The following PPP2R5E variants were observed in gnomAD, a reference collection of about 807,000 sequenced individuals.
PPP2R5E encodes protein phosphatase 2 regulatory subunit B'epsilon, also known as serine/threonine-protein phosphatase 2A 56 kDa regulatory subunit epsilon isoform.
Under a neutral mutation model 65.3 loss-of-function variants are expected in PPP2R5E, and 4 were observed. The ratio of observed to expected loss-of-function variants is 0.06; its 90% CI spans 0.03 to 0.14. The LOEUF (loss-of-function observed/expected upper bound fraction) is 0.14, where lower values mean the gene tolerates loss of function less well. Ranked by LOEUF, PPP2R5E falls within the 10% of genes least tolerant of loss-of-function variation. The probability of loss-of-function intolerance (pLI) is 1.00; values close to 1 mark genes in which losing one functional copy is unlikely to be tolerated. For synonymous variants in PPP2R5E, 183 were observed against 187.4 expected (o/e 0.98, Z 0.19); for missense variants, 274 against 556.1 (o/e 0.49, Z 5.10).
chr14:63,528,226 T>C (rs900265486), intron 2 of PPP2R5E, among the ~76,000 whole-genome samples: 1 of 152,226 alleles, frequency 6.6e-6, no homozygotes, highest in Non-Finnish European at 1.5e-5. Context: ...ATTACTATTA[T>C]GAGCCAATAT....
At chr14:63,470,479 C>T (rs1422842592) in intron 2 of PPP2R5E, among the ~76,000 whole-genome samples, 1 of 149,692 alleles carries the variant, frequency 6.7e-6, no homozygotes, top group Non-Finnish European at 1.5e-5. Flanking sequence ...AAAAAAAAAC[C>T]GACTTGCCCT....
intron 2 of PPP2R5E, among the ~76,000 whole-genome samples, chr14:63,507,571 TTC>T (rs1448759226): frequency 1.4e-5 from 2 of 146,912 alleles, no homozygotes; most frequent in Admixed American, 6.8e-5. Context: ...GCAAGGGTAA[TTC>T]TCTTTTTTTT....
At chr14:63,419,307 C>A (rs763994126) in intron 4 of PPP2R5E, among the ~76,000 whole-genome samples, 2 of 152,098 alleles carry the variant, frequency 1.3e-5, no homozygotes. Flanking sequence ...TTCTTCCTTG[C>A]AAAATGTGTT....
intron 3 of PPP2R5E, among the ~76,000 whole-genome samples, chr14:63,428,471 T>C (rs1408681956): frequency 6.6e-6 from 1 of 152,230 alleles, no homozygotes; most frequent in East Asian, 1.9e-4. Flanking sequence ...TTTAATTAGA[T>C]GCCTTGTATT....
At chr14:63,520,752 A>G (rs1398024408) in intron 2 of PPP2R5E, among the ~76,000 whole-genome samples, 1 of 151,268 alleles carries the variant, frequency 6.6e-6, no homozygotes, top group Non-Finnish European at 1.5e-5. Context: ...GCAGTGGCTC[A>G]CATCTGTAAT....
chr14:63,435,385 AAGATGGT>A (rs1374044434), intron 3 of PPP2R5E, among the ~76,000 whole-genome samples: 2 of 152,108 alleles, frequency 1.3e-5, no homozygotes, highest in African/African-American at 2.4e-5. Flanking sequence ...AAAAAAACGG[AAGATGGT>A]GAGTTCTTTA....
chr14:63,374,992 C>T lies in PPP2R5E; in HGVS notation c.*1017G>A, dbSNP rs1193755417. 2 of 152,472 alleles carry T rather than the reference C, an allele frequency of 1.3e-5. No individual in the cohort carries two copies. The highest frequency in any genetic ancestry group is 2.9e-5 in the Non-Finnish European group (2 of 67,990). The allele number at this position is 152,472 out of a possible 1,614,324, so 9.4% of individuals were successfully genotyped here. A position where few individuals can be genotyped will look rare whatever the true frequency, so the allele number is the denominator to read the frequency against. ...TTTGTTTTTTCCCAGAGGCTACATC[C>T]TCTTTTGCTGGAATACTTTATAAAT... On this transcript the variant is annotated 3_prime_UTR_variant, in exon 14 of 14. Coordinates refer to ENST00000337537, the MANE Select transcript of PPP2R5E (RefSeq NM_006246.5).
At chr14:63,519,360 T>A (rs1049837351) in intron 2 of PPP2R5E, among the ~76,000 whole-genome samples, 1 of 152,074 alleles carries the variant, frequency 6.6e-6, no homozygotes, top group Admixed American at 6.6e-5. Flanking sequence ...AACTCTTTTT[T>A]TTTCTCTTGA....
In PPP2R5E at chr14:63,534,427, C is replaced by A. The variant is rs78459597; in HGVS notation, c.157+5102G>T. 6.8e-3 allele frequency among the ~76,000 whole-genome samples: 1,034 copies of A among 152,024 alleles called. 62 individuals are homozygous for A. In the East Asian group the frequency reaches 0.14, roughly 21 times the overall value. On this transcript the variant is annotated intron_variant, in intron 2 of 13. Coordinates refer to ENST00000337537, the MANE Select transcript of PPP2R5E (RefSeq NM_006246.5). The stretch of plus-strand genomic sequence containing the variant: ...TTATAGATGCACACCACTACATCCA[C>A]GAATTTTTGGATTTTTAGCAGAGAT...
At chr14:63,483,393 G>A (rs945884485) in intron 2 of PPP2R5E, among the ~76,000 whole-genome samples, 7 of 151,694 alleles carry the variant, frequency 4.6e-5, no homozygotes, top group African/African-American at 1.7e-4. Context: ...CCTCAAAGAA[G>A]TAGTGATATC....
rs538508012 is a variant in PPP2R5E at position 63,419,941 on chromosome 14, A to C, written c.456+2052T>G. On this transcript the variant is annotated intron_variant, in intron 4 of 13. Coordinates refer to ENST00000337537, the MANE Select transcript of PPP2R5E (RefSeq NM_006246.5). ...TGGTTAATATTCCTGCAGTAATGAC[A>C]GTGTAAGCTAGAGTGGTTTTTTGTG... Among the ~76,000 whole-genome samples the C allele has an allele frequency of 2.2e-4, 34 of 152,326 alleles. No homozygotes were observed. The South Asian group carries it at 7.0e-3, about 32-fold the overall frequency.
intron 8 of PPP2R5E, among the ~76,000 whole-genome samples, chr14:63,392,844 G>A (rs968608559): frequency 5.3e-5 from 8 of 152,214 alleles, no homozygotes; most frequent in African/African-American, 1.9e-4. Flanking sequence ...GAGGGAGTCA[G>A]AGTCTGGCAG....
rs1371508893 is a variant in PPP2R5E at position 63,372,022 on chromosome 14, G to A, written c.*3987C>T. 1 of 150,258 alleles carries A rather than the reference G, an allele frequency of 6.7e-6. No individual in the cohort carries two copies. The highest frequency in any genetic ancestry group is 2.5e-5 in the African/African-American group (1 of 40,784). 9.3% of individuals were successfully genotyped at this position (150,258 alleles called of 1,614,324 possible). ...TTGGATTACAACTTATTTACAATAA[G>A]TGATTTCAAAAAAAGTAAAGAAAGA... On this transcript the variant is annotated 3_prime_UTR_variant, in exon 14 of 14. Transcript: ENST00000337537.
chr14:63,412,011 C>G (rs1886415755), intron 5 of PPP2R5E, among the ~76,000 whole-genome samples: 2 of 152,140 alleles, frequency 1.3e-5, no homozygotes, highest in Non-Finnish European at 1.5e-5. Flanking sequence ...CAATTTTAAT[C>G]AATGACTTAG....
At chr14:63,516,101 C>T (rs929645821) in intron 2 of PPP2R5E, among the ~76,000 whole-genome samples, 1 of 151,722 alleles carries the variant, frequency 6.6e-6, no homozygotes, top group African/African-American at 2.4e-5. Flanking sequence ...CGCCCACCTC[C>T]GCCTCCTAAA....
intron 11 of PPP2R5E, among the ~76,000 whole-genome samples, chr14:63,388,812 G>A (rs1374423306): frequency 1.3e-5 from 2 of 152,168 alleles, no homozygotes; most frequent in Non-Finnish European, 2.9e-5. Flanking sequence ...GTCTGGTTCT[G>A]CGCTAAGAAC....
rs1274338244 is a variant in PPP2R5E at position 63,531,887 on chromosome 14, AGG to A, written c.157+7640_157+7641del. Among the ~76,000 whole-genome samples, 6 of 152,018 alleles carry A rather than the reference AGG, an allele frequency of 3.9e-5. No individual in the cohort carries two copies. The South Asian group carries it at 1.2e-3, about 32-fold the overall frequency. Reference sequence around the variant, plus strand: ...AGAATTGCTTGAACCTGGGAGGCAGAGGTTGCACTGAGCCGAGATGGGGCCAC... The same window carrying A: ...AGAATTGCTTGAACCTGGGAGGCAGATTGCACTGAGCCGAGATGGGGCCAC... On this transcript the variant is annotated intron_variant, in intron 2 of 13. Coordinates refer to ENST00000337537, the MANE Select transcript of PPP2R5E (RefSeq NM_006246.5).
At chr14:63,455,009 T>C (rs1437502438) in intron 2 of PPP2R5E, among the ~76,000 whole-genome samples, 1 of 152,222 alleles carries the variant, frequency 6.6e-6, no homozygotes, top group Non-Finnish European at 1.5e-5. Context: ...ACTCCCATGT[T>C]CCTTTTGTAC....
At chr14:63,415,930 C>T (rs1886660874) in intron 4 of PPP2R5E, among the ~76,000 whole-genome samples, 1 of 152,112 alleles carries the variant, frequency 6.6e-6, no homozygotes, top group African/African-American at 2.4e-5. Context: ...ACAAGATATC[C>T]AAACATTCAG....
Sources: allele counts gnomAD v4.1 joint callset (sites outside exome capture counted in the v4.1 genomes callset), GRCh38; gene constraint gnomAD v4.1.1; transcripts MANE v1.5; gene names NCBI Gene and HGNC (gene_info 2026-07-23, HGNC 2026-07-21).